Variants in EIF4G3 observed in about 807,000 individuals in gnomAD.
The protein encoded by EIF4G3 is eukaryotic translation initiation factor 4 gamma 3.
A neutral mutation model predicts 186.4 loss-of-function variants in EIF4G3; 34 were observed. The observed-to-expected ratio is 0.18, with a 90% CI of 0.14 to 0.24. The LOEUF (loss-of-function observed/expected upper bound fraction) is 0.24, where lower values mean the gene tolerates loss of function less well. Among genes scored for constraint, EIF4G3 ranks in the 10% least tolerant of loss-of-function variants. The probability of loss-of-function intolerance (pLI) is 1.00; values close to 1 mark genes in which losing one functional copy is unlikely to be tolerated. For synonymous variants in EIF4G3, 673 were observed against 679.5 expected, an observed-to-expected ratio of 0.99 and a Z score of 0.15; for missense variants, 1,536 against 1,948.5, an observed-to-expected ratio of 0.79 and a Z score of 3.99.
intron 3 of EIF4G3, among the ~76,000 whole-genome samples, chr1:21,066,511 C>G (rs1418523379): frequency 6.6e-6 from 1 of 151,992 alleles, no homozygotes; most frequent in East Asian, 1.9e-4. Context: ...ATCTAGTATT[C>G]TGCATTCTAT....
At chr1:20,929,577 G>A (rs2095181202) in intron 14 of EIF4G3, 1 of 152,066 alleles carries the variant, frequency 6.6e-6, no homozygotes, top group South Asian at 2.1e-4. Context: ...GGGAACATTT[G>A]GGCTCTTAAT....
intron 2 of EIF4G3, among the ~76,000 whole-genome samples, chr1:21,092,539 GATTC>G (rs1310784838): frequency 6.6e-6 from 1 of 152,070 alleles, no homozygotes; most frequent in Non-Finnish European, 1.5e-5. Flanking sequence ...GTAATTTATA[GATTC>G]ATTGCCATCC....
At chr1:20,988,315 G>GA (rs1244738463) in intron 7 of EIF4G3, 3 of 170,174 alleles carry the variant, frequency 1.8e-5, no homozygotes. Flanking sequence ...CAGTGTAGAT[G>GA]AAACAGCCAT....
chr1:20,994,685 T>C (rs1272498412), intron 7 of EIF4G3, among the ~76,000 whole-genome samples: 2 of 147,860 alleles, frequency 1.4e-5, no homozygotes, highest in South Asian at 2.1e-4. Flanking sequence ...CTGAGTACAG[T>C]GGCACAATCA....
intron 4 of EIF4G3, among the ~76,000 whole-genome samples, chr1:21,024,076 G>A (rs1467652902): frequency 5.3e-5 from 8 of 151,038 alleles, no homozygotes; most frequent in African/African-American, 1.9e-4. Flanking sequence ...TGCCCCGTCT[G>A]AGAAGTGAGG....
intron 3 of EIF4G3, among the ~76,000 whole-genome samples, chr1:21,081,198 C>T (rs890008072): frequency 3.0e-4 from 46 of 152,058 alleles, no homozygotes; most frequent in Admixed American, 1.4e-3. Context: ...TTTGGGAGGC[C>T]GAGGCGGGTG....
chr1:21,144,122 T>C (rs753141198), intron 2 of EIF4G3, among the ~76,000 whole-genome samples: 16 of 152,184 alleles, frequency 1.1e-4, no homozygotes, highest in Non-Finnish European at 2.4e-4. Flanking sequence ...GCAAGCAATG[T>C]CATGTTTTAA....
chr1:21,061,656 G>A (rs2094919111), intron 3 of EIF4G3, among the ~76,000 whole-genome samples: 1 of 151,676 alleles, frequency 6.6e-6, no homozygotes, highest in Non-Finnish European at 1.5e-5. Flanking sequence ...TTTATTTCTG[G>A]ATCAATTTTG....
At chr1:21,042,591 C>G (rs143995029) in intron 4 of EIF4G3, among the ~76,000 whole-genome samples, 33 of 152,236 alleles carry the variant, frequency 2.2e-4, no homozygotes, top group African/African-American at 7.0e-4. Flanking sequence ...TCAAGCTTGT[C>G]TTCTCATTTC....
At chr1:21,116,817 C>T (rs1374178508) in intron 2 of EIF4G3, among the ~76,000 whole-genome samples, 2 of 144,462 alleles carry the variant, frequency 1.4e-5, no homozygotes, top group Non-Finnish European at 3.0e-5. Flanking sequence ...CCAGCCAGGG[C>T]GACAGAGTGA....
intron 27 of EIF4G3, among the ~76,000 whole-genome samples, chr1:20,852,728 G>A (rs998335668): frequency 2.0e-5 from 3 of 152,138 alleles, no homozygotes; most frequent in African/African-American, 7.2e-5. Context: ...GAACCATTAG[G>A]GGACATTTAT....
At chr1:21,067,378 C>T (rs187679475) in intron 3 of EIF4G3, among the ~76,000 whole-genome samples, 2 of 152,116 alleles carry the variant, frequency 1.3e-5, no homozygotes, top group African/African-American at 4.8e-5. Context: ...GGTGATCTGC[C>T]CACCATAGCC....
chr1:21,084,443 A>G (rs1483124195), intron 3 of EIF4G3, among the ~76,000 whole-genome samples: 1 of 152,138 alleles, frequency 6.6e-6, no homozygotes, highest in East Asian at 1.9e-4. Context: ...CACTATCACA[A>G]GAACAGCATG....
chr1:21,134,765 T>C (rs1191007254), intron 2 of EIF4G3, among the ~76,000 whole-genome samples: 3 of 152,162 alleles, frequency 2.0e-5, no homozygotes, highest in Non-Finnish European at 4.4e-5. Context: ...GAGCAAGTGA[T>C]CAAGGAGGGT....
intron 19 of EIF4G3, among the ~76,000 whole-genome samples, chr1:20,882,945 G>A (rs568781528): frequency 3.9e-5 from 6 of 152,096 alleles, no homozygotes; most frequent in Admixed American, 3.9e-4. Flanking sequence ...AGCCAGGCAT[G>A]GTGGCACATG....
chr1:20,916,452 A>AC (rs2093882087), intron 14 of EIF4G3, among the ~76,000 whole-genome samples: 1 of 152,154 alleles, frequency 6.6e-6, no homozygotes, highest in African/African-American at 2.4e-5. Context: ...GTCTCAAAAA[A>AC]AAAAACAAAA....
At chr1:20,930,060 CATT>C (rs1337578986) in intron 14 of EIF4G3, among the ~76,000 whole-genome samples, 1 of 152,158 alleles carries the variant, frequency 6.6e-6, no homozygotes, top group African/African-American at 2.4e-5. Context: ...TGTGAAATAG[CATT>C]ATGTCTAAAA....
chr1:20,974,908 GTTCAC>G (rs897056392), intron 10 of EIF4G3, among the ~76,000 whole-genome samples: 11 of 152,246 alleles, frequency 7.2e-5, no homozygotes, highest in Admixed American at 5.2e-4. Context: ...TACGAGGGTA[GTTCAC>G]ACAGGTAAAA....
chr1:21,013,500 TG>T (rs2087837271), intron 4 of EIF4G3, among the ~76,000 whole-genome samples: 1 of 152,098 alleles, frequency 6.6e-6, no homozygotes, highest in Admixed American at 6.6e-5. Context: ...CTGGCTTGTC[TG>T]GGGGTGCTGC....
Sources: allele counts gnomAD v4.1 joint callset (sites outside exome capture counted in the v4.1 genomes callset), GRCh38; gene constraint gnomAD v4.1.1; transcripts MANE v1.5; gene names NCBI Gene and HGNC (gene_info 2026-07-23, HGNC 2026-07-21).